Variants in NCALD observed in about 807,000 individuals in gnomAD.
The protein encoded by NCALD is neurocalcin delta, also known as neurocalcin-delta.
A neutral mutation model predicts 18.6 loss-of-function variants in NCALD; 10 were observed. The observed-to-expected ratio is 0.54, with a 90% CI of 0.33 to 0.91. The LOEUF (loss-of-function observed/expected upper bound fraction) is 0.91, where lower values mean the gene tolerates loss of function less well. Among genes scored for constraint, NCALD ranks in the 40% least tolerant of loss-of-function variants. The pLI, the probability that NCALD is intolerant of heterozygous loss-of-function variation, is 0.03. For synonymous variants in NCALD, 88 were observed against 87.4 expected, an observed-to-expected ratio of 1.01 and a Z score of -0.04; for missense variants, 184 against 247.6, an observed-to-expected ratio of 0.74 and a Z score of 1.72.
chr8:101,970,807 C>T (rs1820212033), intron 2 of NCALD, among the ~76,000 whole-genome samples: 1 of 152,136 alleles, frequency 6.6e-6, no homozygotes, highest in Admixed American at 6.6e-5. Context: ...AAAGATGTTG[C>T]CACAGTTTAA....
At chr8:101,996,276 G>T (rs1821236361) in intron 2 of NCALD, among the ~76,000 whole-genome samples, 1 of 152,234 alleles carries the variant, frequency 6.6e-6, no homozygotes, top group Non-Finnish European at 1.5e-5. Flanking sequence ...TTTCCAGGCT[G>T]TATGCCTTAA....
At chr8:101,994,454 T>C (rs1289308447) in intron 2 of NCALD, among the ~76,000 whole-genome samples, 1 of 152,046 alleles carries the variant, frequency 6.6e-6, no homozygotes, top group Non-Finnish European at 1.5e-5. Flanking sequence ...GTCACAGCCT[T>C]CTCTTCCTGA....
Position 101,865,436 on chromosome 8 carries a change from T to A in NCALD, c.-20+21705A>T, listed in dbSNP as rs150608889. On this transcript the variant is annotated intron_variant, in intron 4 of 6. Coordinates refer to the NCALD transcript ENST00000311028. ...TTTTCTCTAATCAGTCCTTTGGGAA[T>A]AGAAACTAGGAATGTGGAGCCTCAG... is the stretch of plus-strand genomic sequence containing the variant. Among the ~76,000 whole-genome samples, 31 of 152,292 alleles carry A rather than the reference T, an allele frequency of 2.0e-4. No homozygotes were observed. In the East Asian group the frequency reaches 5.8e-3, roughly 28 times the overall value.
At position 101,978,156 on chromosome 8, in the gene NCALD, GC is replaced by G. The variant is rs542746783; in HGVS notation, c.-157+42080del. ...CCTGCTTGTCAGTCACACTACGCAG[GC>G]TGATTTTTCAAGTTAAAAAAATATG... On this transcript the variant is annotated intron_variant, in intron 2 of 6. Coordinates refer to the NCALD transcript ENST00000311028. 2.0e-3 allele frequency among the ~76,000 whole-genome samples: 301 copies of G among 150,610 alleles called. 2 individuals carry two copies. Among genetic ancestry groups the G allele is most frequent in the Non-Finnish European group, 3.2e-3 (216 of 67,728 alleles).
chr8:101,886,466 C>A (rs934934004), intron 4 of NCALD, among the ~76,000 whole-genome samples: 9 of 152,176 alleles, frequency 5.9e-5, no homozygotes, highest in African/African-American at 2.2e-4. Context: ...ACTTTGCCTG[C>A]AATTCTTCAC....
chr8:101,932,509 T>C (rs975246739), intron 2 of NCALD, among the ~76,000 whole-genome samples: 1 of 152,252 alleles, frequency 6.6e-6, no homozygotes, highest in African/African-American at 2.4e-5. Context: ...GTCTTTTATA[T>C]GGCCAAGGCA....
chr8:101,880,242 T>C (rs975753780), intron 4 of NCALD, among the ~76,000 whole-genome samples: 6 of 152,082 alleles, frequency 3.9e-5, no homozygotes, highest in African/African-American at 1.4e-4. Context: ...CTGGCCCTGG[T>C]GCTAAGCCCC....
At chr8:101,761,596 G>A (rs1811111621) in intron 1 of NCALD, among the ~76,000 whole-genome samples, 2 of 152,226 alleles carry the variant, frequency 1.3e-5, no homozygotes, top group South Asian at 4.1e-4. Flanking sequence ...CACTGAGAGT[G>A]TAAAATGCAG....
intron 4 of NCALD, among the ~76,000 whole-genome samples, chr8:101,812,115 A>C (rs1031891305): frequency 8.5e-5 from 13 of 152,176 alleles, no homozygotes; most frequent in African/African-American, 2.9e-4. Flanking sequence ...TATCTGTGGA[A>C]AATGACAACA....
In NCALD at chr8:101,688,715, C is replaced by G; in HGVS notation, c.*594G>C. 2 of 491,384 alleles carry G rather than the reference C, an allele frequency of 4.1e-6. No homozygotes were observed. Among genetic ancestry groups the G allele is most frequent in the Non-Finnish European group, 8.0e-6 (2 of 250,494 alleles). The allele number at this position is 491,384 out of a possible 1,614,324, so 30.4% of individuals were successfully genotyped here. On this transcript the variant is annotated 3_prime_UTR_variant, in exon 4 of 4. Coordinates refer to ENST00000220931, the MANE Select transcript of NCALD (RefSeq NM_032041.3). ...GAAAAAATAGCTGAGCCATCTTTTT[C>G]CTCTCCTCTGTTAATTTATCTTGAA...
chr8:101,964,949 C>A (rs556486329), intron 2 of NCALD, among the ~76,000 whole-genome samples: 7 of 151,972 alleles, frequency 4.6e-5, no homozygotes, highest in African/African-American at 1.7e-4. Context: ...AGAAAGTGGG[C>A]GAAGGATATG....
At chr8:101,912,807 A>G (rs1451334082) in intron 3 of NCALD, among the ~76,000 whole-genome samples, 1 of 152,234 alleles carries the variant, frequency 6.6e-6, no homozygotes, top group African/African-American at 2.4e-5. Flanking sequence ...GATTTTCAGC[A>G]AACGAAATAT....
At chr8:101,899,852 A>G (rs1817354830) in intron 3 of NCALD, among the ~76,000 whole-genome samples, 1 of 151,790 alleles carries the variant, frequency 6.6e-6, no homozygotes. Flanking sequence ...TGCTTTTTCT[A>G]GTTTTGGTAT....
intron 2 of NCALD, among the ~76,000 whole-genome samples, chr8:101,931,967 T>C (rs956238840): frequency 1.3e-5 from 2 of 152,192 alleles, no homozygotes; most frequent in African/African-American, 4.8e-5. Flanking sequence ...CTTGTCATCT[T>C]TCCCTTCAGA....
At chr8:102,103,423 A>G (rs550736717) in intron 1 of NCALD, among the ~76,000 whole-genome samples, 12 of 152,346 alleles carry the variant, frequency 7.9e-5, no homozygotes, top group Non-Finnish European at 1.5e-4. Flanking sequence ...ATATAAAACT[A>G]TTAGAGATAA....
chr8:101,883,678 A>G (rs537795810), intron 4 of NCALD, among the ~76,000 whole-genome samples: 1 of 152,342 alleles, frequency 6.6e-6, no homozygotes, highest in Admixed American at 6.5e-5. Flanking sequence ...ATTTAACTAA[A>G]CAGAAGAATA....
intron 1 of NCALD, among the ~76,000 whole-genome samples, chr8:102,084,613 C>A (rs1824674167): frequency 6.6e-6 from 1 of 152,200 alleles, no homozygotes; most frequent in African/African-American, 2.4e-5. Flanking sequence ...AGGGGCGCCA[C>A]ACGCAATGTG....
intron 2 of NCALD, among the ~76,000 whole-genome samples, chr8:101,953,259 A>G (rs1415540130): frequency 2.0e-5 from 3 of 152,176 alleles, no homozygotes; most frequent in African/African-American, 7.2e-5. Context: ...CCTCAACCTA[A>G]GAGTCTCTCA....
intron 2 of NCALD, among the ~76,000 whole-genome samples, chr8:101,993,356 A>G (rs1821122585): frequency 6.6e-6 from 1 of 152,112 alleles, no homozygotes; most frequent in African/African-American, 2.4e-5. Context: ...CATTAGTTAA[A>G]TAAGTAAACT....
Sources: allele counts gnomAD v4.1 joint callset (sites outside exome capture counted in the v4.1 genomes callset), GRCh38; gene constraint gnomAD v4.1.1; transcripts MANE v1.5; gene names NCBI Gene and HGNC (gene_info 2026-07-23, HGNC 2026-07-21).